The following TMEM144 variants were observed in gnomAD, a reference collection of about 807,000 sequenced individuals.
TMEM144 encodes the protein transmembrane protein 144.
In TMEM144, 39 loss-of-function variants were observed where a neutral mutation model predicts 43.6. The observed-to-expected ratio is 0.90, with a 90% CI of 0.69 to 1.17. The LOEUF (loss-of-function observed/expected upper bound fraction) is 1.17, where lower values mean the gene tolerates loss of function less well. TMEM144 is among the 50% of genes most tolerant of loss of function. TMEM144 has a pLI of 0.00. For synonymous variants in TMEM144, 154 were observed against 133.6 expected, an observed-to-expected ratio of 1.15 and a Z score of -1.06; for missense variants, 417 against 411.9, an observed-to-expected ratio of 1.01 and a Z score of -0.11.
intron 2 of TMEM144, chr4:158,212,239 G>A (rs1221730014): frequency 6.6e-6 from 1 of 152,584 alleles, no homozygotes; most frequent in Non-Finnish European, 1.5e-5. Context: ...ATGAAAAAAT[G>A]TCTAATTCTT....
At chr4:158,220,870 G>A (rs987108208) in intron 6 of TMEM144, among the ~76,000 whole-genome samples, 6 of 152,094 alleles carry the variant, frequency 3.9e-5, no homozygotes, top group Admixed American at 6.6e-5. Context: ...AACTCTTCCC[G>A]TAGTGCATCT....
chr4:158,213,604 T>C (rs1245029990), intron 3 of TMEM144: 1 of 152,244 alleles, frequency 6.6e-6, no homozygotes, highest in Non-Finnish European at 1.5e-5. Flanking sequence ...CAGAACTGAC[T>C]AATGTGAATT....
At chr4:158,253,400 GATTCAGGCCTT>G in intron 12 of TMEM144, 33 bp from the exon 13 acceptor site, 1 of 1,495,022 alleles carries the variant, frequency 6.7e-7, no homozygotes, top group East Asian at 2.3e-5. Flanking sequence ...TTGTGTAATT[GATTCAGGCCTT>G]ATTCATCACT....
intron 8 of TMEM144, 119 bp downstream of exon 8, chr4:158,235,624 A>C: frequency 9.5e-7 from 1 of 1,047,318 alleles, no homozygotes; most frequent in Non-Finnish European, 1.3e-6. Context: ...GCAAGCTTTG[A>C]CTTCTATCTC....
At position 158,210,565 on chromosome 4, in the gene TMEM144, T is replaced by A. The variant is rs1439652468; in HGVS notation, c.-204T>A. The A allele has an allele frequency of 6.6e-6, 1 of 152,246 alleles. No individual in the cohort carries two copies. Among genetic ancestry groups the A allele is most frequent in the Non-Finnish European group, 1.5e-5 (1 of 68,064 alleles). 9.4% of individuals were successfully genotyped at this position (152,246 alleles called of 1,614,324 possible). A position where few individuals can be genotyped will look rare whatever the true frequency, so the allele number is the denominator to read the frequency against. On this transcript the variant is annotated 5_prime_UTR_variant, in exon 1 of 13. Transcript: ENST00000296529. ...CGCCGGCGCTGAGTAGGAAGGAGCT[T>A]CAGCCGCCAGCCCGGAACGCAGTGA...
At chr4:158,223,153 T>G (rs1243512882) in intron 6 of TMEM144, among the ~76,000 whole-genome samples, 2 of 152,202 alleles carry the variant, frequency 1.3e-5, no homozygotes, top group Non-Finnish European at 2.9e-5. Context: ...TCATTGTGTA[T>G]TCCTAATTTC....
chr4:158,249,701 T>G (rs1224330863), intron 12 of TMEM144, among the ~76,000 whole-genome samples: 2 of 152,226 alleles, frequency 1.3e-5, no homozygotes, highest in African/African-American at 4.8e-5. Context: ...GACCCATTTT[T>G]TAATTTAAGT....
chr4:158,244,353 T>C lies in TMEM144; in HGVS notation c.954+4T>C. ...CTTCATGTTTAAGGAAATAAAGGTA[T>C]GTACAAGAAAGGGCAGACTTAGAAA... is the stretch of plus-strand genomic sequence containing the variant. On this transcript the variant is annotated splice_donor_region_variant and intron_variant, in intron 12 of 12. Transcript: ENST00000296529. 2 of 1,608,766 alleles carry C rather than the reference T, an allele frequency of 1.2e-6. No homozygotes were observed. Among genetic ancestry groups the C allele is most frequent in the Non-Finnish European group, 1.7e-6 (2 of 1,176,840 alleles).
chr4:158,222,756 G>A (rs1734567909), intron 6 of TMEM144, among the ~76,000 whole-genome samples: 1 of 152,168 alleles, frequency 6.6e-6, no homozygotes, highest in Admixed American at 6.5e-5. Flanking sequence ...GTTGACTTCA[G>A]TTGTCGGCGT....
chr4:158,212,498 G>A (rs916919346), intron 2 of TMEM144, 110 bp from the exon 3 acceptor site: 3 of 516,520 alleles, frequency 5.8e-6, no homozygotes, highest in African/African-American at 5.8e-5. Context: ...TATCCTATCT[G>A]CAAAAAGGAG....
chr4:158,237,427 G>T, intron 8 of TMEM144, 98 bp from the exon 9 acceptor site: 3 of 919,658 alleles, frequency 3.3e-6, no homozygotes, highest in Non-Finnish European at 5.1e-6. Flanking sequence ...TTGCTTGTTT[G>T]TGATTTGCCT....
In TMEM144 at chr4:158,232,956, G is replaced by A. The variant is rs1735156168; in HGVS notation, c.469G>A (p.Asp157Asn). The A allele has an allele frequency of 6.2e-7, 1 of 1,610,750 alleles. No individual in the cohort carries two copies. The highest frequency in any genetic ancestry group is 8.5e-7 in the Non-Finnish European group (1 of 1,178,472). ...AATACCAAATAACACGTGTTCCATG[G>A]ATACCACTCCATTAATAACAGAGCA... is the stretch of plus-strand genomic sequence containing the variant. ...SEIPNNTCSM[D>N]TTPLITEHVI... is the part of the protein sequence containing the mutation. The change falls in exon 7 of 13, where the codon GAT (aspartate) becomes AAT (asparagine). Residue 157 changes from aspartate to asparagine, a missense_variant. By Grantham distance (23) the Asp-to-Asn change is conservative. Coordinates refer to ENST00000296529, the MANE Select transcript of TMEM144 (RefSeq NM_018342.5).
intron 6 of TMEM144, among the ~76,000 whole-genome samples, chr4:158,228,837 A>G (rs1388794300): frequency 6.6e-6 from 1 of 151,712 alleles, no homozygotes; most frequent in East Asian, 1.9e-4. Context: ...ATCGGGCAAG[A>G]CTCCTGTCTT....
Position 158,237,707 on chromosome 4 carries a change from G to A in TMEM144, c.682+64G>A. 2.6e-6 allele frequency: 3 copies of A among 1,151,472 alleles called. No individual in the cohort carries two copies. In the South Asian group the frequency reaches 4.4e-5, roughly 17 times the overall value. The allele number at this position is 1,151,472 out of a possible 1,614,324, so 71.3% of individuals were successfully genotyped here. A position where few individuals can be genotyped will look rare whatever the true frequency, so the allele number is the denominator to read the frequency against. On this transcript the variant is annotated intron_variant, in intron 9 of 12. Coordinates refer to ENST00000296529, the MANE Select transcript of TMEM144 (RefSeq NM_018342.5). ...TTTTTATGAATATAAAAAGAATTGT[G>A]ATAATAGTAAATATTGATGGGTCGA...
rs189950553 is a variant in TMEM144, at chr4:158,245,319, C to A, written c.954+970C>A. ...GAGCATGGTGGCATGCATCTATATTCCCAGCTACTCAGGAGGCTGAGGCAG... is the reference window on the plus strand; with the variant it reads ...GAGCATGGTGGCATGCATCTATATTACCAGCTACTCAGGAGGCTGAGGCAG... On this transcript the variant is annotated intron_variant, in intron 12 of 12. Transcript: ENST00000296529. 2.1e-3 allele frequency among the ~76,000 whole-genome samples: 324 copies of A among 150,788 alleles called. 1 individual carries two copies. Among genetic ancestry groups the A allele is most frequent in the African/African-American group, 7.2e-3 (297 of 41,102 alleles).
At chr4:158,238,151 T>C (rs1735449709) in intron 9 of TMEM144, among the ~76,000 whole-genome samples, 1 of 152,238 alleles carries the variant, frequency 6.6e-6, no homozygotes, top group Admixed American at 6.5e-5. Context: ...CTCAATACTA[T>C]ATGCAATAGC....
At chr4:158,243,791 T>A (rs957254761) in intron 11 of TMEM144, among the ~76,000 whole-genome samples, 16 of 152,224 alleles carry the variant, frequency 1.1e-4, no homozygotes, top group Non-Finnish European at 2.1e-4. Context: ...TAGCCAGACT[T>A]GATTGCTCTG....
chr4:158,253,425 A>T lies in TMEM144; in HGVS notation c.955-19A>T. 1.9e-6 allele frequency: 3 copies of T among 1,592,184 alleles called. No individual in the cohort carries two copies. The highest frequency in any genetic ancestry group is 2.6e-6 in the Non-Finnish European group (3 of 1,162,716). ...GATTCAGGCCTTATTCATCACTGTT[A>T]TTCTTTTTTCTTATTCAGGGTCTAC... On this transcript the variant is annotated intron_variant, in intron 12 of 12. Transcript: ENST00000296529.
chr4:158,219,565 G>A (rs549740281), intron 6 of TMEM144, among the ~76,000 whole-genome samples, 175 bp downstream of exon 6: 1 of 152,226 alleles, frequency 6.6e-6, no homozygotes. Context: ...CCAGATTTGG[G>A]GGCAGGGGCA....
Sources: allele counts gnomAD v4.1 joint callset (sites outside exome capture counted in the v4.1 genomes callset), GRCh38; gene constraint gnomAD v4.1.1; transcripts MANE v1.5; gene names NCBI Gene and HGNC (gene_info 2026-07-23, HGNC 2026-07-21).